C7orf78: variants seen among roughly 807,000 people sequenced by gnomAD.
C7orf78 encodes chromosome 7 open reading frame 78, also known as putative uncharacterized protein C7orf78.
the C7orf78 span, among the ~76,000 whole-genome samples, chr7:12,524,371 G>C: frequency 4.8e-4 from 73 of 150,680 alleles, no homozygotes; most frequent in African/African-American, 1.7e-3. Context: ...GGGAGCTATA[G>C]TCAATAACTC....
chr7:12,538,656 G>A, the C7orf78 span, among the ~76,000 whole-genome samples: 1 of 152,092 alleles, frequency 6.6e-6, no homozygotes, highest in East Asian at 1.9e-4. Flanking sequence ...GGTCTGATAA[G>A]AGGCATCTTA....
chr7:12,506,909 G>A, the C7orf78 span: 2 of 482,052 alleles, frequency 4.1e-6, no homozygotes, highest in East Asian at 6.1e-5. Context: ...TTTTTGGTTG[G>A]TGAAGGAGAT....
chr7:12,506,045 A>C, the C7orf78 span: 1 of 152,888 alleles, frequency 6.5e-6, no homozygotes. Context: ...TTCAGAACAC[A>C]ATGCAACAAG....
At chr7:12,515,930 T>A in the C7orf78 span, among the ~76,000 whole-genome samples, 1 of 152,116 alleles carries the variant, frequency 6.6e-6, no homozygotes, top group Non-Finnish European at 1.5e-5. Context: ...AAGCAGAGCA[T>A]AAAAGTTCAG....
the C7orf78 span, among the ~76,000 whole-genome samples, chr7:12,534,544 GCAGA>G: frequency 1.3e-5 from 2 of 152,024 alleles, no homozygotes; most frequent in African/African-American, 4.8e-5. Context: ...GAGTGAAAAG[GCAGA>G]CAGAGAGCTT....
the C7orf78 span, among the ~76,000 whole-genome samples, chr7:12,505,599 A>G: frequency 1.3e-5 from 2 of 152,140 alleles, no homozygotes; most frequent in African/African-American, 4.8e-5. Context: ...CCATTCTTTT[A>G]TTTTCAGTGC....
At chr7:12,516,398 G>A in the C7orf78 span, among the ~76,000 whole-genome samples, 1 of 152,236 alleles carries the variant, frequency 6.6e-6, no homozygotes, top group African/African-American at 2.4e-5. Context: ...CCAAGCAGAA[G>A]TTTGCTGCAG....
chr7:12,509,767 A>G, the C7orf78 span, among the ~76,000 whole-genome samples: 1 of 152,112 alleles, frequency 6.6e-6, no homozygotes, highest in African/African-American at 2.4e-5. Context: ...AATGACTTCT[A>G]TCTCCATCCA....
At chr7:12,520,971 CTTCT>C in the C7orf78 span, among the ~76,000 whole-genome samples, 4 of 151,980 alleles carry the variant, frequency 2.6e-5, no homozygotes, top group East Asian at 1.9e-4. Flanking sequence ...ATGTAATGGC[CTTCT>C]TTGTCTCTTT....
the C7orf78 span, chr7:12,538,592 A>C: frequency 6.6e-6 from 1 of 152,224 alleles, no homozygotes. Flanking sequence ...TCCTCTGAGA[A>C]CCAGCGTCCA....
chr7:12,518,352 G>A, the C7orf78 span, among the ~76,000 whole-genome samples: 2 of 152,164 alleles, frequency 1.3e-5, no homozygotes, highest in East Asian at 3.9e-4. Context: ...GCCTCCACAT[G>A]TCTTGCCCAG....
the C7orf78 span, among the ~76,000 whole-genome samples, chr7:12,503,614 T>G: frequency 1.3e-5 from 2 of 152,120 alleles, no homozygotes; most frequent in Non-Finnish European, 2.9e-5. Context: ...TCTTTCTTTT[T>G]TTTTTTAATT....
At chr7:12,539,358 G>T in the C7orf78 span, among the ~76,000 whole-genome samples, 1 of 152,090 alleles carries the variant, frequency 6.6e-6, no homozygotes, top group African/African-American at 2.4e-5. Context: ...CAGCTACTTG[G>T]GAGGCTGAGG....
the C7orf78 span, chr7:12,506,818 A>G: frequency 9.6e-6 from 4 of 414,974 alleles, no homozygotes; most frequent in Non-Finnish European, 9.5e-6. Context: ...TGACTACTGC[A>G]CTGAAAAAAT....
the C7orf78 span, among the ~76,000 whole-genome samples, chr7:12,511,243 GCAT>G: frequency 8.5e-5 from 13 of 152,054 alleles, no homozygotes; most frequent in Non-Finnish European, 1.6e-4. Context: ...TGTGGTATAT[GCAT>G]CAATTTTTAT....
chr7:12,525,474 C>G, the C7orf78 span, among the ~76,000 whole-genome samples: 3 of 152,144 alleles, frequency 2.0e-5, no homozygotes, highest in East Asian at 5.8e-4. Context: ...GATTAGGTTG[C>G]TAAGTTTAAG....
chr7:12,512,628 G>A, the C7orf78 span, among the ~76,000 whole-genome samples: 1 of 152,142 alleles, frequency 6.6e-6, no homozygotes, highest in Non-Finnish European at 1.5e-5. Context: ...TGTTCATCAG[G>A]AATATTGGAC....
the C7orf78 span, chr7:12,507,076 G>A: frequency 3.4e-5 from 12 of 354,874 alleles, no homozygotes; most frequent in South Asian, 1.1e-4. Flanking sequence ...CGAGACGGGC[G>A]GATCAGGAGG....
At chr7:12,494,850 C>T in the C7orf78 span, among the ~76,000 whole-genome samples, 7 of 152,274 alleles carry the variant, frequency 4.6e-5, no homozygotes, top group South Asian at 1.5e-3. Flanking sequence ...CAACCTACCA[C>T]TGAACTGTTA....
Sources: gnomAD v4.1 joint callset for allele counts (sites outside exome capture counted in the v4.1 genomes callset) on GRCh38, gnomAD v4.1.1 for gene constraint, MANE v1.5 for transcripts, NCBI Gene and HGNC (gene_info 2026-07-23, HGNC 2026-07-21) for gene names.